COBLL1: variants seen among roughly 807,000 people sequenced by gnomAD.
COBLL1 encodes the protein cordon-bleu protein-like 1.
A neutral mutation model predicts 94.8 loss-of-function variants in COBLL1; 50 were observed. The ratio of observed to expected loss-of-function variants is 0.53; its 90% CI spans 0.42 to 0.67. The LOEUF (loss-of-function observed/expected upper bound fraction) is 0.67, where lower values mean the gene tolerates loss of function less well. Among genes scored for constraint, COBLL1 ranks in the 30% least tolerant of loss-of-function variants. The probability of loss-of-function intolerance (pLI) is 0.00; values close to 1 mark genes in which losing one functional copy is unlikely to be tolerated. For missense variants in COBLL1, 1,362 were observed against 1,348.7 expected (o/e 1.01, Z -0.15); for synonymous variants, 448 against 473.8 (o/e 0.95, Z 0.71).
chr2:164,732,971 C>T (rs1034676622), intron 3 of COBLL1, among the ~76,000 whole-genome samples: 2 of 152,116 alleles, frequency 1.3e-5, no homozygotes, highest in Admixed American at 6.5e-5. Context: ...AGGAGAATAG[C>T]GTGAACCTGG....
intron 2 of COBLL1, among the ~76,000 whole-genome samples, chr2:164,763,104 G>C (rs989594363): frequency 3.3e-5 from 5 of 152,134 alleles, no homozygotes; most frequent in African/African-American, 9.7e-5. Context: ...TTGAGTGGTT[G>C]TGACAGAGAC....
chr2:164,687,213 C>CTTTTTTTTTTTTTTTTTTTTTTTT (rs879090827), intron 13 of COBLL1: 3 of 317,722 alleles, frequency 9.4e-6, no homozygotes, highest in African/African-American at 7.1e-5. Context: ...GACTTTCTTT[C>CTTTTTTTTTTTTTTTTTTTTTTTT]TTTTTTTTTT....
intron 1 of COBLL1, among the ~76,000 whole-genome samples, chr2:164,671,935 T>C (rs1269394325): frequency 1.3e-5 from 2 of 152,174 alleles, no homozygotes; most frequent in African/African-American, 2.4e-5. Flanking sequence ...ATTTTCTGCA[T>C]TGCAGGGGAA....
At chr2:164,676,647 C>T (rs928849813), downstream of COBLL1, among the ~76,000 whole-genome samples, 17 of 152,022 alleles carry the variant, frequency 1.1e-4, no homozygotes, top group African/African-American at 4.1e-4. Context: ...TCTGTATTTC[C>T]ACCAAATATG....
intron 3 of COBLL1, among the ~76,000 whole-genome samples, chr2:164,736,219 T>C (rs1458993587): frequency 6.6e-6 from 1 of 152,138 alleles, no homozygotes; most frequent in East Asian, 1.9e-4. Context: ...AGTACAGAAA[T>C]TTTAAAACAT....
chr2:164,730,183 T>C (rs61553904), intron 3 of COBLL1, 68 bp from the exon 4 acceptor site: 106,004 of 1,317,150 alleles, frequency 0.08, 5,146 homozygotes, highest in African/African-American at 0.21. Flanking sequence ...TTGTCTTCAA[T>C]AGATAAACAA....
chr2:164,727,551 A>T (rs1685775533), intron 5 of COBLL1, among the ~76,000 whole-genome samples: 1 of 152,042 alleles, frequency 6.6e-6, no homozygotes, highest in Non-Finnish European at 1.5e-5. Context: ...TCCAAACTTG[A>T]ATGATAATTA....
chr2:164,669,581 C>T (rs1691214829), intron 1 of COBLL1, among the ~76,000 whole-genome samples: 1 of 152,194 alleles, frequency 6.6e-6, no homozygotes, highest in Non-Finnish European at 1.5e-5. Flanking sequence ...CCACAAAGTT[C>T]AGAAGAAATG....
At chr2:164,743,984 G>GA in intron 2 of COBLL1, 109 bp from the exon 3 acceptor site, 1 of 765,248 alleles carries the variant, frequency 1.3e-6, no homozygotes, top group Non-Finnish European at 2.0e-6. Flanking sequence ...TTCACATCTA[G>GA]AAAAAATGTT....
chr2:164,691,273 T>G (rs1258827086), intron 13 of COBLL1, among the ~76,000 whole-genome samples: 1 of 152,216 alleles, frequency 6.6e-6, no homozygotes, highest in Non-Finnish European at 1.5e-5. Context: ...TCCCCATTTC[T>G]TTTCCTATCT....
chr2:164,672,705 C>CAAAAAA (rs1187183800), intron 1 of COBLL1, among the ~76,000 whole-genome samples: 40 of 64,914 alleles, frequency 6.2e-4, no homozygotes, highest in African/African-American at 1.4e-3. Flanking sequence ...GACTCCGTCT[C>CAAAAAA]AAAAAAAAAA....
chr2:164,794,112 C>T (rs1302590760), intron 2 of COBLL1, among the ~76,000 whole-genome samples: 1 of 152,064 alleles, frequency 6.6e-6, no homozygotes, highest in African/African-American at 2.4e-5. Flanking sequence ...GCAGAGCTCT[C>T]TTTGTTAAGA....
intron 2 of COBLL1, among the ~76,000 whole-genome samples, chr2:164,751,208 C>T (rs909568642): frequency 6.6e-6 from 1 of 152,148 alleles, no homozygotes; most frequent in Non-Finnish European, 1.5e-5. Context: ...TCACATAGCC[C>T]TGCTTGGTCC....
At chr2:164,729,587 TAAGA>T (rs1685882042) in intron 4 of COBLL1, among the ~76,000 whole-genome samples, 1 of 152,144 alleles carries the variant, frequency 6.6e-6, no homozygotes, top group South Asian at 2.1e-4. Flanking sequence ...AAAATTACTT[TAAGA>T]AATTATTAAT....
chr2:164,666,347 A>G lies in COBLL1; in HGVS notation n.127-446T>C, dbSNP rs1304525740. 2.6e-5 allele frequency among the ~76,000 whole-genome samples: 4 copies of G among 152,302 alleles called. No individual in the cohort carries two copies. In the East Asian group the frequency reaches 7.7e-4, roughly 29 times the overall value. On this transcript the variant is annotated intron_variant and non_coding_transcript_variant, in intron 1 of 2. Coordinates refer to the COBLL1 transcript ENST00000495084. ...ATTATGTCTAAAAAACAATGTACAT[A>G]CCTTAAAAATACTATATTGCTAAAA...
At chr2:164,832,981 T>C (rs945106552) in intron 2 of COBLL1, among the ~76,000 whole-genome samples, 2 of 151,400 alleles carry the variant, frequency 1.3e-5, no homozygotes, top group African/African-American at 4.9e-5. Context: ...AGAGGGAGGT[T>C]GTGGTGAGCC....
intron 2 of COBLL1, among the ~76,000 whole-genome samples, chr2:164,823,123 G>T (rs562856711): frequency 2.5e-4 from 38 of 152,224 alleles, no homozygotes; most frequent in African/African-American, 7.5e-4. Context: ...TGAGAGTATT[G>T]TTTACACTGC....
chr2:164,763,486 A>T (rs1346785485), intron 2 of COBLL1, among the ~76,000 whole-genome samples: 1 of 152,212 alleles, frequency 6.6e-6, no homozygotes, highest in African/African-American at 2.4e-5. Context: ...ACTACCAGGA[A>T]GTTATCCCAA....
At chr2:164,825,771 T>C (rs1209299147) in intron 2 of COBLL1, among the ~76,000 whole-genome samples, 1 of 152,184 alleles carries the variant, frequency 6.6e-6, no homozygotes, top group Non-Finnish European at 1.5e-5. Flanking sequence ...CCACTCACTC[T>C]TATCCCCTGT....
Sources: allele counts gnomAD v4.1 joint callset (sites outside exome capture counted in the v4.1 genomes callset), GRCh38; gene constraint gnomAD v4.1.1; transcripts MANE v1.5; gene names NCBI Gene and HGNC (gene_info 2026-07-23, HGNC 2026-07-21).